Variants in FBXL17 observed in about 807,000 individuals in gnomAD.
FBXL17 encodes the protein F-box and leucine rich repeat protein 17, also known as F-box/LRR-repeat protein 17.
In FBXL17, 22 loss-of-function variants were observed where a neutral mutation model predicts 66.2. That is an observed-to-expected ratio of 0.33 (90% CI 0.24 to 0.47). The LOEUF (loss-of-function observed/expected upper bound fraction) is 0.47. Among genes scored for constraint, FBXL17 ranks in the 20% least tolerant of loss-of-function variants. The probability of loss-of-function intolerance (pLI) is 1.00; values close to 1 mark genes in which losing one functional copy is unlikely to be tolerated. For synonymous variants in FBXL17, 474 were observed against 400.5 expected (o/e 1.18, Z -2.19); for missense variants, 878 against 948.2 (o/e 0.93, Z 0.97).
intron 6 of FBXL17, among the ~76,000 whole-genome samples, chr5:108,181,863 G>T (rs1211036932): frequency 1.3e-5 from 2 of 152,080 alleles, no homozygotes; most frequent in African/African-American, 4.8e-5. Context: ...TGACTGATTA[G>T]CCATTCACTT....
chr5:108,126,649 C>CATATATA (rs1561423036), intron 6 of FBXL17, among the ~76,000 whole-genome samples: 3 of 79,780 alleles, frequency 3.8e-5, no homozygotes, highest in African/African-American at 1.2e-4. Context: ...CTCTCTCTCT[C>CATATATA]TCTATATATA....
intron 6 of FBXL17, among the ~76,000 whole-genome samples, chr5:108,124,200 T>C (rs1373087066): frequency 1.3e-5 from 2 of 151,970 alleles, no homozygotes; most frequent in African/African-American, 4.8e-5. Context: ...CATCTGGAGG[T>C]TAAATGTAAA....
intron 7 of FBXL17, among the ~76,000 whole-genome samples, chr5:107,942,237 G>T (rs1226586168): frequency 1.3e-5 from 2 of 152,122 alleles, no homozygotes; most frequent in Admixed American, 1.3e-4. Flanking sequence ...CTCGTGCAAG[G>T]CTCTAAAGGA....
chr5:108,196,003 C>T lies in FBXL17; in HGVS notation c.1615-9756G>A, dbSNP rs572716671. On this transcript the variant is annotated intron_variant, in intron 5 of 8. Coordinates refer to ENST00000542267, the MANE Select transcript of FBXL17 (RefSeq NM_001163315.3). ...TAGAGATGTCAAATAAATTTAGGAG[C>T]CAGCAGCACATAAATGACATTTACG... Among the ~76,000 whole-genome samples the T allele has an allele frequency of 3.0e-4, 45 of 151,954 alleles. 1 individual carries two copies. Among genetic ancestry groups the T allele is most frequent in the African/African-American group, 9.4e-4 (39 of 41,456 alleles).
chr5:108,131,471 G>T (rs1195540908), intron 6 of FBXL17, among the ~76,000 whole-genome samples: 3 of 151,926 alleles, frequency 2.0e-5, no homozygotes, highest in African/African-American at 7.3e-5. Context: ...AACTTACATG[G>T]GCATTATTAG....
chr5:108,219,556 G>T (rs1047329165), intron 5 of FBXL17, among the ~76,000 whole-genome samples: 4 of 152,008 alleles, frequency 2.6e-5, no homozygotes, highest in African/African-American at 9.7e-5. Flanking sequence ...GCGTGGTGGT[G>T]GGCGCCTGTA....
intron 6 of FBXL17, among the ~76,000 whole-genome samples, chr5:108,127,208 T>G (rs1750756348): frequency 1.3e-5 from 2 of 152,186 alleles, no homozygotes; most frequent in African/African-American, 2.4e-5. Flanking sequence ...CACTTATGTC[T>G]TTGTAGAAGT....
At chr5:107,870,752 CT>C (rs1413294344) in intron 8 of FBXL17, among the ~76,000 whole-genome samples, 1 of 151,708 alleles carries the variant, frequency 6.6e-6, no homozygotes, top group Non-Finnish European at 1.5e-5. Flanking sequence ...TGCTCAGCTA[CT>C]TTTTTGTATT....
chr5:108,246,961 T>G (rs1038793807), intron 4 of FBXL17, among the ~76,000 whole-genome samples: 1 of 152,188 alleles, frequency 6.6e-6, no homozygotes, highest in African/African-American at 2.4e-5. Context: ...ATTCACTATA[T>G]TCAGAGTATA....
intron 5 of FBXL17, among the ~76,000 whole-genome samples, chr5:108,194,528 GGAATGC>G (rs1457778000): frequency 2.0e-5 from 3 of 152,136 alleles, no homozygotes; most frequent in Non-Finnish European, 4.4e-5. Context: ...CAACTACTTA[GGAATGC>G]CCTCTTTGAC....
At position 108,345,740 on chromosome 5, in the gene FBXL17, G is replaced by T. The variant is rs543543058; in HGVS notation, c.1506+2659C>A. Reference sequence around the variant, plus strand: ...TCAAGGACATAAAAGCTATGTCACAGAAATATACAAAGACAATGCTGCCAT... The same window carrying T: ...TCAAGGACATAAAAGCTATGTCACATAAATATACAAAGACAATGCTGCCAT... On this transcript the variant is annotated intron_variant, in intron 4 of 8. Transcript: ENST00000542267. Among the ~76,000 whole-genome samples, 6 of 152,030 alleles carry T rather than the reference G, an allele frequency of 3.9e-5. No homozygotes were observed. In the East Asian group the frequency reaches 1.2e-3, roughly 29 times the overall value.
intron 6 of FBXL17, among the ~76,000 whole-genome samples, chr5:108,097,427 T>G (rs1163755916): frequency 6.6e-6 from 1 of 152,232 alleles, no homozygotes; most frequent in Non-Finnish European, 1.5e-5. Flanking sequence ...TTCTAGTTTT[T>G]AACAAAAGAA....
intron 7 of FBXL17, among the ~76,000 whole-genome samples, chr5:107,996,091 T>A (rs958866394): frequency 2.6e-5 from 4 of 152,216 alleles, no homozygotes; most frequent in Non-Finnish European, 5.9e-5. Context: ...CATGTCTAAA[T>A]GCTCAAAAAA....
At chr5:107,893,893 C>T (rs900166795) in intron 7 of FBXL17, among the ~76,000 whole-genome samples, 6 of 152,078 alleles carry the variant, frequency 3.9e-5, no homozygotes, top group Admixed American at 6.6e-5. Context: ...CCCTCTGTGC[C>T]GAGTAATTAA....
At chr5:108,034,680 TA>T (rs1453104559) in intron 6 of FBXL17, among the ~76,000 whole-genome samples, 1 of 152,154 alleles carries the variant, frequency 6.6e-6, no homozygotes, top group Non-Finnish European at 1.5e-5. Flanking sequence ...CAAATGAACA[TA>T]AAGCTGCTTT....
chr5:108,078,422 C>G (rs998805303), intron 6 of FBXL17, among the ~76,000 whole-genome samples: 4 of 152,082 alleles, frequency 2.6e-5, no homozygotes, highest in African/African-American at 9.7e-5. Context: ...ATATTTTACT[C>G]CAAAATATAT....
In FBXL17 at chr5:107,938,755, A is replaced by T. The variant is rs148579352; in HGVS notation, c.1823-57576T>A. Among the ~76,000 whole-genome samples the T allele has an allele frequency of 4.9e-4, 74 of 152,296 alleles. 1 individual carries two copies. In the East Asian group the frequency reaches 0.013, roughly 27 times the overall value. On this transcript the variant is annotated intron_variant, in intron 7 of 8. Transcript: ENST00000542267. ...GCCCATATGTTATATTTCCATAAAC[A>T]TATCTTCTAGAAAACAGCCAGATGC... is the stretch of plus-strand genomic sequence containing the variant.
At chr5:108,034,293 T>G (rs1746757440) in intron 6 of FBXL17, among the ~76,000 whole-genome samples, 1 of 152,194 alleles carries the variant, frequency 6.6e-6, no homozygotes, top group Admixed American at 6.5e-5. Context: ...ACTGTCATCC[T>G]TGTTAGCATC....
chr5:108,312,738 T>C (rs766113322), intron 4 of FBXL17, among the ~76,000 whole-genome samples: 13 of 152,172 alleles, frequency 8.5e-5, no homozygotes, highest in Non-Finnish European at 1.8e-4. Flanking sequence ...CACTCTATTA[T>C]TGTCCATAGG....
Sources: allele counts gnomAD v4.1 joint callset (sites outside exome capture counted in the v4.1 genomes callset), GRCh38; gene constraint gnomAD v4.1.1; transcripts MANE v1.5; gene names NCBI Gene and HGNC (gene_info 2026-07-23, HGNC 2026-07-21).